SLC4A10: variants seen among roughly 807,000 people sequenced by gnomAD.
The protein encoded by SLC4A10 is sodium-driven chloride bicarbonate exchanger.
Under a neutral mutation model 137.7 loss-of-function variants are expected in SLC4A10, and 42 were observed. The ratio of observed to expected loss-of-function variants is 0.30; its 90% CI spans 0.24 to 0.39. The LOEUF (loss-of-function observed/expected upper bound fraction) is 0.39. Among genes scored for constraint, SLC4A10 ranks in the 10% least tolerant of loss-of-function variants. The probability of loss-of-function intolerance (pLI) is 1.00; values close to 1 mark genes in which losing one functional copy is unlikely to be tolerated. For synonymous variants in SLC4A10, 474 were observed against 464.1 expected, an observed-to-expected ratio of 1.02 and a Z score of -0.27; for missense variants, 925 against 1,355.0, an observed-to-expected ratio of 0.68 and a Z score of 4.98.
chr2:161,947,322 G>A (rs1383878406), intron 16 of SLC4A10, among the ~76,000 whole-genome samples: 7 of 151,936 alleles, frequency 4.6e-5, no homozygotes, highest in South Asian at 4.1e-4. Context: ...TAAATCAATC[G>A]TTTTATACAT....
chr2:161,627,127 G>T lies in SLC4A10; in HGVS notation c.48+2561G>T, dbSNP rs1323464050. Among the ~76,000 whole-genome samples the T allele has an allele frequency of 1.2e-4, 18 of 152,182 alleles. No homozygotes were observed. The East Asian group carries it at 3.3e-3, about 28-fold the overall frequency. On this transcript the variant is annotated intron_variant, in intron 1 of 26. Transcript: ENST00000446997. ...ATGAAGTTCCTGACATTTAGTAAGT[G>T]TTCAATAAAACTTGCTATTATCATT...
chr2:161,664,428 T>C (rs139603864), intron 1 of SLC4A10, among the ~76,000 whole-genome samples: 4 of 151,988 alleles, frequency 2.6e-5, no homozygotes, highest in African/African-American at 9.6e-5. Flanking sequence ...TAAAAAATGG[T>C]TTTTAGAATT....
chr2:161,676,132 C>T (rs1023863533), intron 1 of SLC4A10, among the ~76,000 whole-genome samples: 38 of 152,076 alleles, frequency 2.5e-4, no homozygotes, highest in Non-Finnish European at 4.4e-4. Context: ...TGTATACTTA[C>T]GTGGGCAGAG....
At position 161,781,021 on chromosome 2, in the gene SLC4A10, C is replaced by T. The variant is rs6705948; in HGVS notation, c.130+9967C>T. ...TCCCCCAACCTTAAAAAACATACCA[C>T]CAGCCCCACTCTCCACCAGTGTGGC... On this transcript the variant is annotated intron_variant, in intron 2 of 26. Transcript: ENST00000446997. Among the ~76,000 whole-genome samples the T allele has an allele frequency of 5.8e-3, 888 of 152,078 alleles. 10 individuals are homozygous for T. The highest frequency in any genetic ancestry group is 0.021 in the African/African-American group (858 of 41,506).
At chr2:161,979,721 A>C (rs1365485583) in intron 26 of SLC4A10, among the ~76,000 whole-genome samples, 1 of 152,194 alleles carries the variant, frequency 6.6e-6, no homozygotes, top group African/African-American at 2.4e-5. Flanking sequence ...TACGTGGTAG[A>C]GTATCCATTG....
chr2:161,722,861 G>C (rs1485081224), intron 1 of SLC4A10, among the ~76,000 whole-genome samples: 1 of 152,178 alleles, frequency 6.6e-6, no homozygotes, highest in African/African-American at 2.4e-5. Context: ...CTCTGTAAAC[G>C]CCTGGATGGA....
intron 1 of SLC4A10, among the ~76,000 whole-genome samples, chr2:161,628,908 A>C (rs2032989432): frequency 6.6e-6 from 1 of 152,034 alleles, no homozygotes; most frequent in Admixed American, 6.6e-5. Flanking sequence ...TATGATGAAG[A>C]GTTAGAAAAT....
intron 1 of SLC4A10, among the ~76,000 whole-genome samples, chr2:161,733,981 A>T (rs2047068820): frequency 2.0e-5 from 3 of 152,216 alleles, no homozygotes; most frequent in Admixed American, 2.0e-4. Context: ...CATTTGGAAC[A>T]GCTGTATTTA....
chr2:161,759,692 T>A (rs1160743406), intron 1 of SLC4A10, among the ~76,000 whole-genome samples: 3 of 152,108 alleles, frequency 2.0e-5, no homozygotes, highest in Non-Finnish European at 2.9e-5. Flanking sequence ...ATTTTAAAAT[T>A]AAGTTCTTTA....
chr2:161,764,359 A>G (rs2050576565), intron 1 of SLC4A10, among the ~76,000 whole-genome samples: 1 of 152,142 alleles, frequency 6.6e-6, no homozygotes, highest in South Asian at 2.1e-4. Flanking sequence ...GGCTAAATAA[A>G]AAATCAATGA....
chr2:161,782,584 G>C (rs1382355818), intron 2 of SLC4A10, among the ~76,000 whole-genome samples: 1 of 151,476 alleles, frequency 6.6e-6, no homozygotes. Flanking sequence ...TCATAAAGAT[G>C]CTCACTGAGG....
intron 19 of SLC4A10, among the ~76,000 whole-genome samples, chr2:161,951,154 A>G (rs1694731534): frequency 6.6e-6 from 1 of 152,176 alleles, no homozygotes; most frequent in Non-Finnish European, 1.5e-5. Flanking sequence ...GTTCTGGTGA[A>G]GTACAACCAT....
intron 7 of SLC4A10, 96 bp downstream of exon 7, chr2:161,872,480 C>T (rs2125925499): frequency 4.9e-5 from 38 of 775,332 alleles, no homozygotes; most frequent in South Asian, 1.2e-4. Flanking sequence ...TTTGCATGCG[C>T]TTTTTGTTTC....
chr2:161,672,729 ATAAT>A lies in SLC4A10; in HGVS notation c.48+48168_48+48171del, dbSNP rs1374230778. Among the ~76,000 whole-genome samples the A allele has an allele frequency of 1.2e-4, 19 of 152,296 alleles. No individual in the cohort carries two copies. The East Asian group carries it at 3.7e-3, about 29-fold the overall frequency. The stretch of plus-strand genomic sequence containing the variant: ...CATAAGCATTAACCTCATGATTTAA[ATAAT>A]TAATCTAATTCTGAGTCAGTATTAA... On this transcript the variant is annotated intron_variant, in intron 1 of 26. Transcript: ENST00000446997.
chr2:161,850,971 C>T (rs2125839015), intron 4 of SLC4A10, among the ~76,000 whole-genome samples: 1 of 152,122 alleles, frequency 6.6e-6, no homozygotes, highest in Non-Finnish European at 1.5e-5. Flanking sequence ...ATTGTTTACC[C>T]AAATCATTCA....
At chr2:161,888,036 T>C (rs62188801) in intron 10 of SLC4A10, among the ~76,000 whole-genome samples, 8,050 of 152,280 alleles carry the variant, frequency 0.053, 305 homozygotes, top group Non-Finnish European at 0.072. Flanking sequence ...TAGCTAGTTT[T>C]CCCAACACCA....
intron 1 of SLC4A10, among the ~76,000 whole-genome samples, chr2:161,769,751 A>T (rs577642486): frequency 2.3e-4 from 35 of 151,888 alleles, no homozygotes; most frequent in African/African-American, 8.4e-4. Context: ...GAATTCTCCA[A>T]GATTGAGATA....
intron 1 of SLC4A10, among the ~76,000 whole-genome samples, chr2:161,691,774 C>G (rs1422887628): frequency 6.6e-6 from 1 of 152,074 alleles, no homozygotes. Flanking sequence ...TCTTCCATTC[C>G]TTTGTTCATC....
intron 16 of SLC4A10, among the ~76,000 whole-genome samples, chr2:161,945,843 A>G (rs1272042179): frequency 1.3e-4 from 19 of 151,940 alleles, no homozygotes. Flanking sequence ...AATGTCATCT[A>G]TGTTCTTAAG....
Sources: gnomAD v4.1 joint callset for allele counts (sites outside exome capture counted in the v4.1 genomes callset) on GRCh38, gnomAD v4.1.1 for gene constraint, MANE v1.5 for transcripts, NCBI Gene and HGNC (gene_info 2026-07-23, HGNC 2026-07-21) for gene names.